The following C3orf49 variants were observed in gnomAD, a reference collection of about 807,000 sequenced individuals.
C3orf49 encodes the protein chromosome 3 open reading frame 49, also known as putative uncharacterized protein C3orf49.
Under a neutral mutation model 13.3 loss-of-function variants are expected in C3orf49, and 27 were observed. The ratio of observed to expected loss-of-function variants is 2.02; its 90% confidence interval spans 1.49 to 2.79. The LOEUF (loss-of-function observed/expected upper bound fraction) is 2.79, where lower values mean the gene tolerates loss of function less well. Ranked by LOEUF, C3orf49 falls within the 30% of genes most tolerant of loss-of-function variation. The probability of loss-of-function intolerance (pLI) is 0.00; values close to 1 mark genes in which losing one functional copy is unlikely to be tolerated. For missense variants in C3orf49, 242 were observed against 134.2 expected (o/e 1.80, Z -3.97); for synonymous variants, 87 against 47.6 (o/e 1.83, Z -3.40).
At chr3:63,817,772 TACAC>T (rs1207495104), upstream of C3orf49, among the ~76,000 whole-genome samples, 1 of 152,054 alleles carries the variant, frequency 6.6e-6, no homozygotes, top group African/African-American at 2.4e-5. Flanking sequence ...GCCTATTACA[TACAC>T]ACATACATGC....
At chr3:63,829,797 CA>C (rs1052173848) in intron 3 of C3orf49, among the ~76,000 whole-genome samples, 10 of 146,786 alleles carry the variant, frequency 6.8e-5, no homozygotes, top group Non-Finnish European at 1.1e-4. Context: ...CCCATCTCTA[CA>C]AAAAAAAAAT....
rs145105316 is a variant in C3orf49, at chr3:63,820,031, A to G, written c.125+435A>G. The stretch of plus-strand genomic sequence containing the variant: ...ATGTACTAATCACATTTCACTATGG[A>G]CACATTGTTTAATGTAACGTTAAAA... On this transcript the variant is annotated intron_variant, in intron 1 of 6. Transcript: ENST00000295896. Among the ~76,000 whole-genome samples, 53 of 152,338 alleles carry G rather than the reference A, an allele frequency of 3.5e-4. No homozygotes were observed. In the East Asian group the frequency reaches 9.1e-3, roughly 26 times the overall value.
chr3:63,807,202 C>T, the C3orf49 span, among the ~76,000 whole-genome samples: 3 of 152,166 alleles, frequency 2.0e-5, no homozygotes, highest in East Asian at 3.9e-4. Context: ...CCACCTGCCT[C>T]GGCCTCCCAA....
the C3orf49 span, among the ~76,000 whole-genome samples, chr3:63,788,074 G>A: frequency 1.3e-5 from 2 of 152,162 alleles, no homozygotes; most frequent in Admixed American, 1.3e-4. Context: ...TCAAGAGCAG[G>A]GACATAGAAA....
the C3orf49 span, among the ~76,000 whole-genome samples, chr3:63,789,694 C>T: frequency 6.6e-6 from 1 of 151,398 alleles, no homozygotes; most frequent in African/African-American, 2.4e-5. Flanking sequence ...ACCTGTAATC[C>T]CAGCTACTAG....
At chr3:63,782,764 C>G in the C3orf49 span, 1 of 152,198 alleles carries the variant, frequency 6.6e-6, no homozygotes, top group Admixed American at 6.5e-5. Flanking sequence ...GAAAAGTCTG[C>G]TAATCTCCAT....
chr3:63,838,481 A>G, intron 5 of C3orf49: 1 of 1,607,144 alleles, frequency 6.2e-7, no homozygotes, highest in Middle Eastern at 1.7e-4. Flanking sequence ...TGCTCAGCAT[A>G]CGTTGGTACT....
the C3orf49 span, among the ~76,000 whole-genome samples, chr3:63,806,792 G>A: frequency 6.6e-6 from 1 of 152,092 alleles, no homozygotes; most frequent in Non-Finnish European, 1.5e-5. Flanking sequence ...TGGCCTGCCT[G>A]ACTCTGCTTC....
In C3orf49 at chr3:63,837,996, C is replaced by T. The variant is rs201991362; in HGVS notation, c.849+6152C>T. The T allele has an allele frequency of 2.4e-5, 39 of 1,607,530 alleles. No homozygotes were observed. Among genetic ancestry groups the T allele is most frequent in the Admixed American group, 1.2e-4 (7 of 58,404 alleles). On this transcript the variant is annotated intron_variant, in intron 5 of 6. Coordinates refer to ENST00000295896, the MANE Select transcript of C3orf49 (RefSeq NM_001355236.2). ...CTTACCTTGGCGATTTTTTCGTATT[C>T]GTTTTGCTTGAAGAATTTGCTTTTT... is the stretch of plus-strand genomic sequence containing the variant.
rs533395933 is a variant in C3orf49, at chr3:63,831,768, G to T, written c.773G>T (p.Gly258Val). The part of the protein sequence containing the change: ...HAELQQCEFL[G>V]DEILQSSKQF... ...GAGCTTCAACAGTGTGAGTTTCTGG[G>T]GGATGAAATTCTTCAGTCTTCTAAA... Residue 258 changes from glycine (G) to valine (V), a missense_variant, in exon 5 of 7, where the codon GGG becomes GTG. By Grantham distance (109) the Gly-to-Val change is moderately radical. Coordinates refer to ENST00000295896, the MANE Select transcript of C3orf49 (RefSeq NM_001355236.2). The T allele has an allele frequency of 2.0e-4, 144 of 703,028 alleles. 1 individual carries two copies. In the South Asian group the frequency reaches 2.1e-3, roughly 10 times the overall value. The allele number at this position is 703,028 out of a possible 1,614,324, so 43.5% of individuals were successfully genotyped here.
the C3orf49 span, among the ~76,000 whole-genome samples, chr3:63,784,511 T>C: frequency 6.6e-6 from 1 of 152,152 alleles, no homozygotes; most frequent in African/African-American, 2.4e-5. Context: ...TAAAAAAATA[T>C]ATAAAGATAA....
intron 5 of C3orf49, chr3:63,837,962 C>T (rs772614686): frequency 2.5e-6 from 4 of 1,604,740 alleles, no homozygotes; most frequent in Non-Finnish European, 3.4e-6. Context: ...CATTAAATCC[C>T]TCAAAACCCT....
chr3:63,845,121 T>A, intron 6 of C3orf49, 39 bp downstream of exon 6: 1 of 678,922 alleles, frequency 1.5e-6, no homozygotes, highest in East Asian at 2.7e-5. Context: ...GGGGGTACTA[T>A]CTCCTTCATG....
intron 5 of C3orf49, chr3:63,838,172 T>C: frequency 2.7e-6 from 3 of 1,098,178 alleles, no homozygotes; most frequent in Non-Finnish European, 3.9e-6. Flanking sequence ...TAGACACTAG[T>C]ATTTTTAAAA....
At chr3:63,780,294 T>A in the C3orf49 span, among the ~76,000 whole-genome samples, 1 of 152,192 alleles carries the variant, frequency 6.6e-6, no homozygotes, top group Non-Finnish European at 1.5e-5. Context: ...TCCAGCTTCA[T>A]CCATGTCCCT....
the C3orf49 span, among the ~76,000 whole-genome samples, chr3:63,791,257 G>T: frequency 3.3e-5 from 5 of 152,270 alleles, no homozygotes; most frequent in African/African-American, 1.2e-4. Flanking sequence ...GTTGGAGAAG[G>T]CTGAAATAAT....
At chr3:63,846,081 G>A (rs1010585840) in intron 6 of C3orf49, 2 of 296,104 alleles carry the variant, frequency 6.8e-6, no homozygotes, top group South Asian at 2.7e-5. Flanking sequence ...ATGAAAAGCT[G>A]GAAATGGAAG....
At chr3:63,821,755 C>T (rs990594979) in intron 1 of C3orf49, among the ~76,000 whole-genome samples, 5 of 151,766 alleles carry the variant, frequency 3.3e-5, no homozygotes, top group East Asian at 1.9e-4. Context: ...ACGAGAATTA[C>T]GCAAACAGAA....
intron 2 of C3orf49, among the ~76,000 whole-genome samples, chr3:63,824,221 T>C (rs573115128): frequency 1.1e-4 from 16 of 152,174 alleles, no homozygotes; most frequent in South Asian, 8.3e-4. Flanking sequence ...CATATATACA[T>C]ATATATATTT....
Sources: gnomAD v4.1 joint callset for allele counts (sites outside exome capture counted in the v4.1 genomes callset) on GRCh38, gnomAD v4.1.1 for gene constraint, MANE v1.5 for transcripts, NCBI Gene and HGNC (gene_info 2026-07-23, HGNC 2026-07-21) for gene names.